The following CCSER1 variants were observed in gnomAD, a reference collection of about 807,000 sequenced individuals.
CCSER1 encodes the protein serine-rich coiled-coil domain-containing protein 1.
CCSER1 carries 41 observed loss-of-function variants against 82.0 expected under a neutral mutation model. The observed-to-expected ratio is 0.50, with a 90% CI of 0.39 to 0.65. The LOEUF (loss-of-function observed/expected upper bound fraction) is 0.65, where lower values mean the gene tolerates loss of function less well. Among genes scored for constraint, CCSER1 ranks in the 30% least tolerant of loss-of-function variants. CCSER1 has a pLI of 0.00. For missense variants in CCSER1, 1,119 were observed against 1,064.2 expected (o/e 1.05, Z -0.72); for synonymous variants, 414 against 383.9 (o/e 1.08, Z -0.92).
chr4:90,412,345 A>T (rs1411489432), intron 4 of CCSER1, among the ~76,000 whole-genome samples: 7 of 150,586 alleles, frequency 4.6e-5, no homozygotes, highest in African/African-American at 1.5e-4. Context: ...GGGATAGCAT[A>T]GGGAGATATA....
At chr4:91,239,133 G>T (rs576926999) in intron 10 of CCSER1, among the ~76,000 whole-genome samples, 18 of 147,718 alleles carry the variant, frequency 1.2e-4, no homozygotes, top group Middle Eastern at 3.5e-3. Flanking sequence ...CCTATTTTAA[G>T]CATTTGTAAT....
At chr4:90,234,161 T>G (rs1160772981) in intron 1 of CCSER1, among the ~76,000 whole-genome samples, 1 of 151,978 alleles carries the variant, frequency 6.6e-6, no homozygotes, top group Non-Finnish European at 1.5e-5. Flanking sequence ...AAATAATTGC[T>G]GAAATTTAAC....
At chr4:91,369,875 T>C (rs1391826536) in intron 10 of CCSER1, among the ~76,000 whole-genome samples, 1 of 149,458 alleles carries the variant, frequency 6.7e-6, no homozygotes, top group Non-Finnish European at 1.5e-5. Context: ...AGAGACGGGG[T>C]TTCACCATGT....
chr4:91,378,237 T>C (rs972303653), intron 10 of CCSER1, among the ~76,000 whole-genome samples: 1 of 152,210 alleles, frequency 6.6e-6, no homozygotes, highest in Non-Finnish European at 1.5e-5. Flanking sequence ...ATGCAGGCTC[T>C]TTTGTGGTTC....
intron 9 of CCSER1, among the ~76,000 whole-genome samples, chr4:91,007,664 T>G (rs1348433399): frequency 6.6e-5 from 9 of 135,414 alleles, no homozygotes; most frequent in Non-Finnish European, 1.3e-4. Context: ...CATTTGTCAA[T>G]TTTATCTTCT....
At chr4:90,573,667 G>A (rs571265758) in intron 5 of CCSER1, among the ~76,000 whole-genome samples, 2 of 152,218 alleles carry the variant, frequency 1.3e-5, no homozygotes, top group South Asian at 4.1e-4. Context: ...TGGTATTTCT[G>A]CAGAGAGAAA....
intron 8 of CCSER1, among the ~76,000 whole-genome samples, chr4:90,913,421 C>T (rs183615999): frequency 6.6e-6 from 1 of 152,104 alleles, no homozygotes; most frequent in African/African-American, 2.4e-5. Context: ...AAATAAAATC[C>T]TTTACAGACA....
intron 9 of CCSER1, among the ~76,000 whole-genome samples, chr4:91,055,779 T>TCTCC (rs931173249): frequency 3.7e-5 from 5 of 136,546 alleles, no homozygotes; most frequent in African/African-American, 5.5e-5. Context: ...TCTATACCTC[T>TCTCC]CTCCCTCCCT....
At chr4:90,914,787 A>G (rs1727044977) in intron 8 of CCSER1, among the ~76,000 whole-genome samples, 3 of 152,126 alleles carry the variant, frequency 2.0e-5, no homozygotes, top group Non-Finnish European at 4.4e-5. Context: ...TAAAGAAGAA[A>G]AGAGAGAAGA....
At chr4:91,062,684 T>C (rs1046929711) in intron 9 of CCSER1, among the ~76,000 whole-genome samples, 2 of 152,154 alleles carry the variant, frequency 1.3e-5, no homozygotes, top group Non-Finnish European at 2.9e-5. Flanking sequence ...TATGTAAAGC[T>C]CTTTTCTGCC....
At chr4:91,496,588 ACGAAT>A (rs1758828791) in intron 10 of CCSER1, among the ~76,000 whole-genome samples, 1 of 31,424 alleles carries the variant, frequency 3.2e-5, no homozygotes, top group Admixed American at 3.4e-4. Context: ...ATATATATAC[ACGAAT>A]ATATATTTGA....
At chr4:91,515,888 T>G (rs1419754680) in intron 10 of CCSER1, among the ~76,000 whole-genome samples, 6 of 149,594 alleles carry the variant, frequency 4.0e-5, no homozygotes, top group African/African-American at 1.5e-4. Flanking sequence ...TTTTGACTTC[T>G]TAATAATAGC....
chr4:90,959,476 A>T (rs573256341), intron 9 of CCSER1, among the ~76,000 whole-genome samples: 1 of 152,180 alleles, frequency 6.6e-6, no homozygotes, highest in Admixed American at 6.5e-5. Context: ...CCAAACCATT[A>T]GTAAGTGGCA....
chr4:90,303,643 A>C (rs1468926666), intron 1 of CCSER1, among the ~76,000 whole-genome samples: 3 of 151,956 alleles, frequency 2.0e-5, no homozygotes, highest in Non-Finnish European at 4.4e-5. Context: ...CTTATACAAA[A>C]ATCAATTCAA....
At chr4:90,912,325 G>C (rs974102034) in intron 8 of CCSER1, among the ~76,000 whole-genome samples, 1 of 152,212 alleles carries the variant, frequency 6.6e-6, no homozygotes, top group Non-Finnish European at 1.5e-5. Context: ...AACATTTGCT[G>C]TTCACCAATA....
intron 3 of CCSER1, among the ~76,000 whole-genome samples, chr4:90,330,575 G>C (rs1306101761): frequency 6.6e-6 from 1 of 152,246 alleles, no homozygotes; most frequent in East Asian, 1.9e-4. Context: ...CCGTCCACTG[G>C]AAGTTGCTAT....
At chr4:91,431,116 G>A (rs1306128141) in intron 10 of CCSER1, among the ~76,000 whole-genome samples, 1 of 151,990 alleles carries the variant, frequency 6.6e-6, no homozygotes, top group Non-Finnish European at 1.5e-5. Flanking sequence ...GGCGCCTGTA[G>A]TCCCAGCTAC....
chr4:91,175,078 T>C (rs1330610542), intron 10 of CCSER1, among the ~76,000 whole-genome samples: 2 of 152,140 alleles, frequency 1.3e-5, no homozygotes, highest in African/African-American at 4.8e-5. Flanking sequence ...TGGTGTTTGG[T>C]TTTCTGTCCT....
At chr4:91,439,715 AC>A (rs1560672475) in intron 10 of CCSER1, among the ~76,000 whole-genome samples, 1 of 151,976 alleles carries the variant, frequency 6.6e-6, no homozygotes, top group African/African-American at 2.4e-5. Flanking sequence ...TATTCAGGAA[AC>A]CCATCTCACG....
Sources: gnomAD v4.1 joint callset for allele counts (sites outside exome capture counted in the v4.1 genomes callset) on GRCh38, gnomAD v4.1.1 for gene constraint, MANE v1.5 for transcripts, NCBI Gene and HGNC (gene_info 2026-07-23, HGNC 2026-07-21) for gene names.